Variants in ZDHHC23 observed in about 807,000 individuals in gnomAD.
The protein encoded by ZDHHC23 is palmitoyltransferase ZDHHC23.
A neutral mutation model predicts 40.2 loss-of-function variants in ZDHHC23; 41 were observed. The observed-to-expected ratio is 1.02, with a 90% CI of 0.79 to 1.32. The LOEUF is 1.32. Ranked by LOEUF, ZDHHC23 falls within the 40% of genes most tolerant of loss-of-function variation. The pLI is 0.00. For missense variants in ZDHHC23, 471 were observed against 541.5 expected (o/e 0.87, Z 1.29); for synonymous variants, 204 against 210.2 (o/e 0.97, Z 0.26).
chr3:113,957,209 C>T (rs966753363), intron 4 of ZDHHC23, among the ~76,000 whole-genome samples: 1 of 152,242 alleles, frequency 6.6e-6, no homozygotes, highest in Non-Finnish European at 1.5e-5. Context: ...TTCCCTTCAT[C>T]ATCCTCTCTG....
Position 113,953,744 on chromosome 3 carries a change from T to C in ZDHHC23, c.206T>C (p.Ile69Thr). ...TTACAGCCAGAGACTTGTGAAAGAA[T>C]CATGGATACAATTTCTGATCGCCTC... The part of the protein sequence containing the change: ...KSLQPETCER[I>T]MDTISDRLRI... The change falls in exon 3 of 5, where the codon ATC becomes ACC. Residue 69 changes from isoleucine to threonine, a missense_variant. Around this residue, in one of 3 missense-constraint regions of ZDHHC23, gnomAD observed 42 missense variants for 73.9 expected, o/e 0.57. Transcript: ENST00000638807. The C allele has an allele frequency of 1.2e-6, 2 of 1,614,162 alleles. No homozygotes were observed. The highest frequency in any genetic ancestry group is 2.2e-5 in the South Asian group (2 of 91,070).
chr3:113,965,426 T>G, downstream of ZDHHC23: 1 of 823,380 alleles, frequency 1.2e-6, no homozygotes, highest in South Asian at 1.9e-5. Context: ...TATAGCACAT[T>G]AAGAACTTTA....
chr3:113,957,189 C>G (rs527297904), intron 4 of ZDHHC23, among the ~76,000 whole-genome samples: 7 of 152,360 alleles, frequency 4.6e-5, no homozygotes, highest in African/African-American at 1.7e-4. Flanking sequence ...TGCCCATGCT[C>G]TTTATTCCCT....
Position 113,959,840 on chromosome 3 carries a change from T to C in ZDHHC23, c.*1210T>C. Reference sequence around the variant, plus strand: ...ACAGGGTATATGTGGTTTCCACTATTAATGGATTACTGTTCTTCCCTGGCT... The same window carrying C: ...ACAGGGTATATGTGGTTTCCACTATCAATGGATTACTGTTCTTCCCTGGCT... On this transcript the variant is annotated 3_prime_UTR_variant, in exon 5 of 5. Transcript: ENST00000638807. 9.8e-7 allele frequency: 1 copy of C among 1,020,198 alleles called. No homozygotes were observed. The highest frequency in any genetic ancestry group is 1.7e-5 in the African/African-American group (1 of 60,042). The allele number at this position is 1,020,198 out of a possible 1,614,324, so 63.2% of individuals were successfully genotyped here. A position where few individuals can be genotyped will look rare whatever the true frequency, so the allele number is the denominator to read the frequency against.
Position 113,948,886 on chromosome 3 carries a change from C to T in ZDHHC23, c.84C>T (p.Tyr28=), listed in dbSNP as rs367904473. ...TGGAGCCCCTGTGCTGCTGCGAGTA[C>T]ATAGATCGGAATGGGGAAAAGAACC... ...PELEPLCCCE[Y]IDRNGEKNHV... Residue 28 remains tyrosine (Y), a synonymous_variant, in exon 2 of 5, where the codon TAC becomes TAT. Coordinates refer to ENST00000638807, the MANE Select transcript of ZDHHC23 (RefSeq NM_001320466.2). 4.3e-6 allele frequency: 7 copies of T among 1,614,068 alleles called. No individual in the cohort carries two copies. Among genetic ancestry groups the T allele is most frequent in the Non-Finnish European group, 5.9e-6 (7 of 1,180,052 alleles).
At position 113,962,685 on chromosome 3, in the gene ZDHHC23, A is replaced by G. The variant is rs1227096622; in HGVS notation, c.*4055A>G. 1.3e-5 allele frequency: 2 copies of G among 152,138 alleles called. No individual in the cohort carries two copies. The highest frequency in any genetic ancestry group is 4.8e-5 in the African/African-American group (2 of 41,420). 9.4% of individuals were successfully genotyped at this position (152,138 alleles called of 1,614,324 possible). On this transcript the variant is annotated 3_prime_UTR_variant, in exon 5 of 5. Transcript: ENST00000638807. ...GATTTTGAGTTTTTCATTTTATTGC[A>G]TATCTGGGTTGGATGTTAGACTAAA...
At chr3:113,951,962 AC>A (rs1938710117) in intron 2 of ZDHHC23, among the ~76,000 whole-genome samples, 1 of 151,660 alleles carries the variant, frequency 6.6e-6, no homozygotes, top group Admixed American at 6.6e-5. Flanking sequence ...ACATGGAGAA[AC>A]CCCGTCTCTA....
At chr3:113,976,859 A>G in the ZDHHC23 span, among the ~76,000 whole-genome samples, 12 of 152,178 alleles carry the variant, frequency 7.9e-5, no homozygotes, top group Non-Finnish European at 1.2e-4. Flanking sequence ...AAGCTAAATC[A>G]TTTATCCAAA....
rs1288265529 is a variant in ZDHHC23, at chr3:113,959,502, T to A, written c.*872T>A. The A allele has an allele frequency of 7.8e-7, 1 of 1,276,968 alleles. No homozygotes were observed. Among genetic ancestry groups the A allele is most frequent in the African/African-American group, 1.5e-5 (1 of 65,864 alleles). 79.1% of individuals were successfully genotyped at this position (1,276,968 alleles called of 1,614,324 possible). On this transcript the variant is annotated 3_prime_UTR_variant, in exon 5 of 5. Transcript: ENST00000638807. ...CCAACAGGCATTCATGTGTTTTTCC[T>A]CTTCCCATGTTTCACCAGGTAAGGT...
chr3:113,963,747 CA>C (rs145785717), downstream of ZDHHC23, among the ~76,000 whole-genome samples: 1 of 151,232 alleles, frequency 6.6e-6, no homozygotes, highest in South Asian at 2.1e-4. Context: ...TGTCTCAAAA[CA>C]AAAAAAACAC....
rs954235566 is a variant in ZDHHC23, at chr3:113,962,302, T to C, written c.*3672T>C. The C allele has an allele frequency of 1.3e-5, 2 of 152,248 alleles. No homozygotes were observed. Among genetic ancestry groups the C allele is most frequent in the Non-Finnish European group, 2.9e-5 (2 of 68,050 alleles). 9.4% of individuals were successfully genotyped at this position (152,248 alleles called of 1,614,324 possible). ...CAGCTACACTTAATTATGTTGCTGATAGACAAGCATCCACGCTTCAGCTGG... is the reference window on the plus strand; with the variant it reads ...CAGCTACACTTAATTATGTTGCTGACAGACAAGCATCCACGCTTCAGCTGG... On this transcript the variant is annotated 3_prime_UTR_variant, in exon 5 of 5. Coordinates refer to ENST00000638807, the MANE Select transcript of ZDHHC23 (RefSeq NM_001320466.2).
At chr3:113,976,178 G>A in the ZDHHC23 span, among the ~76,000 whole-genome samples, 1 of 152,024 alleles carries the variant, frequency 6.6e-6, no homozygotes, top group Non-Finnish European at 1.5e-5. Flanking sequence ...AGAATCGCTT[G>A]AACCCAGGAG....
intron 2 of ZDHHC23, among the ~76,000 whole-genome samples, chr3:113,949,181 A>G (rs997154730): frequency 6.6e-6 from 1 of 152,192 alleles, no homozygotes; most frequent in African/African-American, 2.4e-5. Flanking sequence ...ATAGGATATT[A>G]TTTTTCGTTT....
chr3:113,978,684 TAATA>T, the ZDHHC23 span: 1 of 713,320 alleles, frequency 1.4e-6, no homozygotes, highest in South Asian at 2.0e-5. Flanking sequence ...GATTTTACAC[TAATA>T]AAACACTGAT....
At chr3:113,952,760 A>AGTGTCTG (rs1362229471) in intron 2 of ZDHHC23, among the ~76,000 whole-genome samples, 1 of 152,230 alleles carries the variant, frequency 6.6e-6, no homozygotes, top group South Asian at 2.1e-4. Context: ...CAGCAGATTC[A>AGTGTCTG]GTGTCTGGTG....
At chr3:113,953,178 T>TA (rs1308583052) in intron 2 of ZDHHC23, among the ~76,000 whole-genome samples, 4 of 152,062 alleles carry the variant, frequency 2.6e-5, no homozygotes, top group African/African-American at 9.7e-5. Context: ...AGGCCTTCCT[T>TA]ACTCCCTCTC....
intron 3 of ZDHHC23, among the ~76,000 whole-genome samples, chr3:113,955,440 C>T (rs1047472202): frequency 1.3e-5 from 2 of 151,716 alleles, no homozygotes; most frequent in African/African-American, 2.4e-5. Flanking sequence ...GCTCACCTAA[C>T]AGCAGATATG....
chr3:113,955,209 A>T (rs1939059366), intron 3 of ZDHHC23, among the ~76,000 whole-genome samples: 1 of 152,028 alleles, frequency 6.6e-6, no homozygotes, highest in Admixed American at 6.6e-5. Context: ...GATGCAGGAG[A>T]GGGTGAGGGT....
At chr3:113,949,570 A>G (rs900271658) in intron 2 of ZDHHC23, among the ~76,000 whole-genome samples, 7 of 152,246 alleles carry the variant, frequency 4.6e-5, no homozygotes, top group African/African-American at 1.7e-4. Flanking sequence ...ACTATCCAAA[A>G]AGAGAATTTT....
Sources: gnomAD v4.1 joint callset for allele counts (sites outside exome capture counted in the v4.1 genomes callset) on GRCh38, gnomAD v4.1.1 for gene constraint, gnomAD v4.1.1 regional missense constraint, MANE v1.5 for transcripts, NCBI Gene and HGNC (gene_info 2026-07-23, HGNC 2026-07-21) for gene names.